ASNS: variants seen among roughly 807,000 people sequenced by gnomAD.
ASNS encodes asparagine synthetase (glutamine-hydrolyzing).
In ASNS, 37 loss-of-function variants were observed where a neutral mutation model predicts 62.6. The ratio of observed to expected loss-of-function variants is 0.59; its 90% CI spans 0.45 to 0.78. The LOEUF (loss-of-function observed/expected upper bound fraction) is 0.78. Among genes scored for constraint, ASNS ranks in the 30% least tolerant of loss-of-function variants. The pLI, the probability that ASNS is intolerant of heterozygous loss-of-function variation, is 0.00. For synonymous variants in ASNS, 207 were observed against 237.9 expected (o/e 0.87, Z 1.19); for missense variants, 520 against 682.4 (o/e 0.76, Z 2.65).
chr7:97,898,421 A>G, the ASNS span: 6 of 516,864 alleles, frequency 1.2e-5, no homozygotes, highest in Admixed American at 2.7e-5. Context: ...TGGGTTTTCC[A>G]GAACTACTAC....
intron 7 of ASNS, among the ~76,000 whole-genome samples, chr7:97,857,876 C>A (rs1791531755): frequency 6.6e-6 from 1 of 151,966 alleles, no homozygotes; most frequent in Non-Finnish European, 1.5e-5. Flanking sequence ...CCAAGCCTGG[C>A]TAGTTTTTGT....
chr7:97,862,233 C>T (rs528354932), intron 4 of ASNS, among the ~76,000 whole-genome samples: 18 of 152,006 alleles, frequency 1.2e-4, no homozygotes, highest in African/African-American at 4.3e-4. Flanking sequence ...CAAACCTGCA[C>T]GTTATGCACA....
At chr7:97,883,340 AG>A in the ASNS span, among the ~76,000 whole-genome samples, 5 of 152,188 alleles carry the variant, frequency 3.3e-5, no homozygotes, top group African/African-American at 1.2e-4. Context: ...CTCTTCACAA[AG>A]GGACCTCAAG....
chr7:97,854,479 C>A, intron 10 of ASNS, 101 bp downstream of exon 10: 1 of 1,399,852 alleles, frequency 7.1e-7, no homozygotes, highest in Non-Finnish European at 9.8e-7. Context: ...TATAGCCAAT[C>A]AGCTATTGAT....
At chr7:97,904,167 T>C in the ASNS span, among the ~76,000 whole-genome samples, 1 of 152,188 alleles carries the variant, frequency 6.6e-6, no homozygotes, top group Non-Finnish European at 1.5e-5. Context: ...AAGCTACAGA[T>C]TCTCAGATTT....
chr7:97,877,087 T>C (rs1584484407), upstream of ASNS, among the ~76,000 whole-genome samples: 2 of 127,262 alleles, frequency 1.6e-5, no homozygotes, highest in East Asian at 2.5e-4. Context: ...AAAGTATTCA[T>C]TTAACTTCTT....
chr7:97,883,326 A>G, the ASNS span, among the ~76,000 whole-genome samples: 2 of 152,238 alleles, frequency 1.3e-5, no homozygotes, highest in African/African-American at 4.8e-5. Context: ...AAACACAAAC[A>G]TTCCTCTTCA....
chr7:97,907,441 C>T, the ASNS span, among the ~76,000 whole-genome samples: 7 of 152,144 alleles, frequency 4.6e-5, no homozygotes, highest in Admixed American at 2.0e-4. Flanking sequence ...GAAGACAAGC[C>T]GGAAGAGGCC....
the ASNS span, among the ~76,000 whole-genome samples, chr7:97,927,525 T>C: frequency 2.3e-4 from 35 of 152,390 alleles, no homozygotes; most frequent in African/African-American, 7.7e-4. Flanking sequence ...GGCTCCAGAC[T>C]CGCGTTCCCA....
At chr7:97,892,998 A>G in the ASNS span, among the ~76,000 whole-genome samples, 2 of 152,256 alleles carry the variant, frequency 1.3e-5, no homozygotes, top group African/African-American at 2.4e-5. Flanking sequence ...CACACAGCTG[A>G]TAAAGACACA....
chr7:97,869,291 C>G, intron 2 of ASNS, 112 bp from the exon 3 acceptor site: 2 of 1,257,268 alleles, frequency 1.6e-6, no homozygotes, highest in Non-Finnish European at 2.2e-6. Flanking sequence ...AAATTTAAAC[C>G]ATCTTTTCTA....
chr7:97,927,719 G>A, the ASNS span, among the ~76,000 whole-genome samples: 150 of 152,376 alleles, frequency 9.8e-4, no homozygotes, highest in African/African-American at 3.4e-3. Flanking sequence ...TCCGTGATCG[G>A]CCCTGGAAAA....
chr7:97,859,387 A>G lies in ASNS; in HGVS notation c.499T>C (p.Leu167=), dbSNP rs781479258. Residue 167 remains leucine, a synonymous_variant, in exon 5 of 13, where the codon TTG becomes CTG. Coordinates refer to ENST00000394308, the MANE Select transcript of ASNS (RefSeq NM_001673.5). ...VCSEAKGLVT[L]KHSATPFLKV... The stretch of plus-strand genomic sequence containing the variant: ...AAAAAGGGAGTCGCGGAGTGCTTCA[A>G]TGTAACAAGACCTAGAAATTCACAA... The G allele has an allele frequency of 1.4e-5, 23 of 1,608,130 alleles. No homozygotes were observed. The highest frequency in any genetic ancestry group is 3.4e-5 in the Admixed American group (2 of 59,038).
chr7:97,859,490 C>A, intron 4 of ASNS, 92 bp from the exon 5 acceptor site: 1 of 1,371,032 alleles, frequency 7.3e-7, no homozygotes, highest in Non-Finnish European at 9.7e-7. Flanking sequence ...TCCTATTTTC[C>A]CTTTTTAATA....
the ASNS span, chr7:97,909,052 A>C: frequency 6.6e-6 from 1 of 152,074 alleles, no homozygotes; most frequent in Non-Finnish European, 1.5e-5. Flanking sequence ...AATCAGTACC[A>C]CTCATAGCAC....
Position 97,853,307 on chromosome 7 carries a change from T to C in ASNS, c.1318A>G (p.Lys440Glu), listed in dbSNP as rs1444075141. ...LSLPPEMRIP[K>E]NGIEKHLLRE... is the part of the protein sequence containing the mutation. The stretch of plus-strand genomic sequence containing the variant: ...TTACCTTGAGTTGATTTACCTACCT[T>C]TGGAATTCTCATTTCTGGTGGCAGA... The change falls in exon 11 of 13, where the codon AAG (lysine) becomes GAG (glutamate). Residue 440 changes from lysine to glutamate, a missense_variant and splice_region_variant. Lys to Glu is a moderately conservative substitution (Grantham distance 56). Coordinates refer to ENST00000394308, the MANE Select transcript of ASNS (RefSeq NM_001673.5). 5.0e-6 allele frequency: 8 copies of C among 1,613,748 alleles called. No individual in the cohort carries two copies. The highest frequency in any genetic ancestry group is 2.2e-5 in the East Asian group (1 of 44,860).
chr7:97,852,118 A>T lies in ASNS; in HGVS notation c.*141T>A. 2 of 869,202 alleles carry T rather than the reference A, an allele frequency of 2.3e-6. No homozygotes were observed. The highest frequency in any genetic ancestry group is 1.7e-5 in the African/African-American group (1 of 59,144). 53.8% of individuals were successfully genotyped at this position (869,202 alleles called of 1,614,324 possible). A position where few individuals can be genotyped will look rare whatever the true frequency, so the allele number is the denominator to read the frequency against. ...AGAGACTGCATGAACATAAATGACT[A>T]CAGCAATGGTTTAGATTTAGGACTT... On this transcript the variant is annotated 3_prime_UTR_variant, in exon 13 of 13. Transcript: ENST00000394308.
chr7:97,859,122 A>C, intron 5 of ASNS, 91 bp downstream of exon 5: 1 of 1,505,004 alleles, frequency 6.6e-7, no homozygotes, highest in Non-Finnish European at 8.9e-7. Context: ...GTAGGTCTTG[A>C]AACTAAAATC....
At chr7:97,874,219 A>G (rs1370103225), upstream of ASNS, among the ~76,000 whole-genome samples, 1 of 152,108 alleles carries the variant, frequency 6.6e-6, no homozygotes, top group Non-Finnish European at 1.5e-5. Flanking sequence ...TATTTCTCCC[A>G]TTTGCTTTTG....
Sources: allele counts gnomAD v4.1 joint callset (sites outside exome capture counted in the v4.1 genomes callset), GRCh38; gene constraint gnomAD v4.1.1; transcripts MANE v1.5; gene names NCBI Gene and HGNC (gene_info 2026-07-23, HGNC 2026-07-21).